SORCS3: variants seen among roughly 807,000 people sequenced by gnomAD.
SORCS3 encodes sortilin related VPS10 domain containing receptor 3.
In SORCS3, 57 loss-of-function variants were observed where a neutral mutation model predicts 146.3. The ratio of observed to expected loss-of-function variants is 0.39; its 90% CI spans 0.31 to 0.49. The LOEUF (loss-of-function observed/expected upper bound fraction) is 0.49, where lower values mean the gene tolerates loss of function less well. Ranked by LOEUF, SORCS3 falls within the 20% of genes least tolerant of loss-of-function variation. The pLI is 0.92. For missense variants in SORCS3, 1,341 were observed against 1,575.5 expected, an observed-to-expected ratio of 0.85 and a Z score of 2.52; for synonymous variants, 653 against 618.5, an observed-to-expected ratio of 1.06 and a Z score of -0.83.
At chr10:105,139,517 C>T (rs1461148321) in intron 8 of SORCS3, 31 bp downstream of exon 8, 1 of 1,555,802 alleles carries the variant, frequency 6.4e-7, no homozygotes, top group Non-Finnish European at 8.9e-7. Context: ...GGTCCTGGGT[C>T]CCTCTAGGCA....
chr10:104,877,616 A>G (rs1341068484), intron 2 of SORCS3, among the ~76,000 whole-genome samples: 1 of 152,196 alleles, frequency 6.6e-6, no homozygotes, highest in Admixed American at 6.5e-5. Flanking sequence ...TAGGCTCAGA[A>G]TTAAATAAGG....
intron 2 of SORCS3, among the ~76,000 whole-genome samples, chr10:104,850,950 A>G (rs578207563): frequency 5.3e-5 from 8 of 152,356 alleles, no homozygotes; most frequent in African/African-American, 1.7e-4. Flanking sequence ...TTACTCTGCT[A>G]ACTTGCTGTT....
chr10:105,190,507 T>G (rs910354235), intron 14 of SORCS3, among the ~76,000 whole-genome samples: 1 of 152,240 alleles, frequency 6.6e-6, no homozygotes, highest in African/African-American at 2.4e-5. Flanking sequence ...TAAGCAGTTC[T>G]CCTGCTTTAG....
chr10:105,238,478 G>T (rs1349275424), intron 20 of SORCS3, among the ~76,000 whole-genome samples: 3 of 152,124 alleles, frequency 2.0e-5, no homozygotes, highest in African/African-American at 7.2e-5. Context: ...AGGAGCAGTA[G>T]AATTGAGGCA....
intron 5 of SORCS3, among the ~76,000 whole-genome samples, chr10:105,064,015 G>A (rs7916764): frequency 0.11 from 16,029 of 152,142 alleles, 1,318 homozygotes; most frequent in African/African-American, 0.23. Flanking sequence ...GAGTGCTGCC[G>A]GAGCATGACT....
intron 1 of SORCS3, among the ~76,000 whole-genome samples, chr10:104,735,456 G>GTTTTTTT (rs56203751): frequency 0.049 from 1,708 of 34,866 alleles, 267 homozygotes; most frequent in African/African-American, 0.058. Context: ...CTCACCGTCT[G>GTTTTTTT]TTTTTTTTTT....
At chr10:105,048,165 C>A (rs2055386871) in intron 5 of SORCS3, among the ~76,000 whole-genome samples, 1 of 151,434 alleles carries the variant, frequency 6.6e-6, no homozygotes, top group Non-Finnish European at 1.5e-5. Flanking sequence ...ACCATTTGAC[C>A]CAGCAATCCC....
chr10:104,774,494 A>G (rs1258065761), intron 1 of SORCS3, among the ~76,000 whole-genome samples: 3 of 152,162 alleles, frequency 2.0e-5, no homozygotes, highest in Non-Finnish European at 4.4e-5. Flanking sequence ...TAAGGATAAT[A>G]TTTCTGGCAG....
intron 22 of SORCS3, among the ~76,000 whole-genome samples, chr10:105,248,894 T>A (rs1481326981): frequency 6.6e-6 from 1 of 152,050 alleles, no homozygotes; most frequent in Non-Finnish European, 1.5e-5. Flanking sequence ...CTGGGAAGTA[T>A]GAAAAGTATG....
intron 1 of SORCS3, among the ~76,000 whole-genome samples, chr10:104,696,643 A>T (rs11593257): frequency 1.8e-5 from 1 of 55,340 alleles, no homozygotes; most frequent in South Asian, 4.5e-4. Context: ...ATTATATATA[A>T]TATATATTAT....
At chr10:104,897,381 T>C (rs912022027) in intron 2 of SORCS3, among the ~76,000 whole-genome samples, 5 of 152,356 alleles carry the variant, frequency 3.3e-5, no homozygotes, top group African/African-American at 1.2e-4. Context: ...GACAGACTTT[T>C]GGGCACTGGA....
chr10:104,656,310 C>G (rs983624875), intron 1 of SORCS3, among the ~76,000 whole-genome samples: 2 of 151,998 alleles, frequency 1.3e-5, no homozygotes, highest in African/African-American at 4.8e-5. Flanking sequence ...TGAGATGAAG[C>G]TAGACAGGCA....
intron 1 of SORCS3, among the ~76,000 whole-genome samples, chr10:104,795,903 G>A (rs78101002): frequency 0.044 from 6,702 of 152,204 alleles, 464 homozygotes; most frequent in African/African-American, 0.15. Flanking sequence ...CTTTGATCTT[G>A]GCTTTCTGAT....
intron 20 of SORCS3, among the ~76,000 whole-genome samples, chr10:105,243,025 A>G (rs1271275910): frequency 7.7e-6 from 1 of 129,208 alleles, no homozygotes; most frequent in Non-Finnish European, 1.6e-5. Flanking sequence ...ATATTTATAC[A>G]TATATATTTA....
Position 105,129,342 on chromosome 10 carries a change from T to C in SORCS3, c.1213-10055T>C, listed in dbSNP as rs1442964569. On this transcript the variant is annotated intron_variant, in intron 7 of 26. Coordinates refer to ENST00000369701, the MANE Select transcript of SORCS3 (RefSeq NM_014978.3). ...CTTTCTTTCTTTCTCTTTTTTTTTT[T>C]TTTTTTTTTTTTTTTACAAAACCCT... Among the ~76,000 whole-genome samples the C allele has an allele frequency of 5.7e-3, 839 of 146,896 alleles. 14 individuals are homozygous for C. The highest frequency in any genetic ancestry group is 8.7e-3 in the Non-Finnish European group (583 of 66,662).
At chr10:105,242,381 T>G (rs1257774460) in intron 20 of SORCS3, among the ~76,000 whole-genome samples, 25 of 120,164 alleles carry the variant, frequency 2.1e-4, no homozygotes, top group Non-Finnish European at 3.5e-4. Flanking sequence ...TACATATATT[T>G]ATATATATTT....
intron 1 of SORCS3, among the ~76,000 whole-genome samples, chr10:104,692,804 T>C (rs925299523): frequency 2.0e-5 from 3 of 152,214 alleles, no homozygotes; most frequent in African/African-American, 7.2e-5. Context: ...GTCTCTCTTC[T>C]CTAAGCAGGG....
intron 2 of SORCS3, among the ~76,000 whole-genome samples, chr10:104,881,431 A>G (rs949257894): frequency 6.6e-5 from 10 of 152,220 alleles, no homozygotes; most frequent in Admixed American, 6.5e-5. Context: ...GATACTTTTT[A>G]ATCAGAATAT....
At chr10:105,055,548 A>G (rs575681594) in intron 5 of SORCS3, among the ~76,000 whole-genome samples, 1 of 152,284 alleles carries the variant, frequency 6.6e-6, no homozygotes, top group Admixed American at 6.5e-5. Context: ...CATTCTTCTT[A>G]GCCTGGAGCA....
Sources: gnomAD v4.1 joint callset for allele counts (sites outside exome capture counted in the v4.1 genomes callset) on GRCh38, gnomAD v4.1.1 for gene constraint, MANE v1.5 for transcripts, NCBI Gene and HGNC (gene_info 2026-07-23, HGNC 2026-07-21) for gene names.